The following PRKCA variants were observed in gnomAD, a reference collection of about 807,000 sequenced individuals.
The protein encoded by PRKCA is protein kinase C alpha.
In PRKCA, 27 loss-of-function variants were observed where a neutral mutation model predicts 87.0. The ratio of observed to expected loss-of-function variants is 0.31; its 90% CI spans 0.23 to 0.43. The LOEUF (loss-of-function observed/expected upper bound fraction) is 0.43. Ranked by LOEUF, PRKCA falls within the 20% of genes least tolerant of loss-of-function variation. PRKCA has a pLI of 1.00. For missense variants in PRKCA, 518 were observed against 852.3 expected (o/e 0.61, Z 4.88); for synonymous variants, 329 against 311.1 (o/e 1.06, Z -0.61).
Position 66,804,880 on chromosome 17 carries a change from G to A in PRKCA, c.*843G>A. ...CATCCAGGGTGCCATCAGTAATCAT[G>A]CCACTACTCACCAGTGTTGTTCACC... On this transcript the variant is annotated 3_prime_UTR_variant, in exon 17 of 17. Coordinates refer to ENST00000413366, the MANE Select transcript of PRKCA (RefSeq NM_002737.3). 1 of 463,546 alleles carries A rather than the reference G, an allele frequency of 2.2e-6. No homozygotes were observed. The highest frequency in any genetic ancestry group is 2.8e-6 in the Non-Finnish European group (1 of 353,064). 28.7% of individuals were successfully genotyped at this position (463,546 alleles called of 1,614,324 possible). A position where few individuals can be genotyped will look rare whatever the true frequency, so the allele number is the denominator to read the frequency against.
At chr17:66,549,105 C>T (rs1968247194) in intron 3 of PRKCA, among the ~76,000 whole-genome samples, 1 of 151,622 alleles carries the variant, frequency 6.6e-6, no homozygotes, top group Admixed American at 6.6e-5. Context: ...CGTGCCGGGC[C>T]ACTTTCTGTA....
chr17:66,519,283 G>C (rs1415908767), intron 3 of PRKCA, among the ~76,000 whole-genome samples: 1 of 152,126 alleles, frequency 6.6e-6, no homozygotes, highest in Non-Finnish European at 1.5e-5. Context: ...ATGGAAATTG[G>C]CTCCTGGGAT....
chr17:66,556,492 A>C (rs1006216527), intron 3 of PRKCA, among the ~76,000 whole-genome samples: 1 of 152,126 alleles, frequency 6.6e-6, no homozygotes, highest in Non-Finnish European at 1.5e-5. Flanking sequence ...AGAACATTTG[A>C]AGACCTCAAA....
intron 3 of PRKCA, among the ~76,000 whole-genome samples, chr17:66,546,358 TAG>T (rs1282563417): frequency 6.6e-6 from 1 of 152,244 alleles, no homozygotes; most frequent in Non-Finnish European, 1.5e-5. Flanking sequence ...CAGATTAACA[TAG>T]AGTGTCTCAA....
intron 2 of PRKCA, chr17:66,364,160 G>A (rs1386979858): frequency 2.0e-5 from 3 of 152,276 alleles, no homozygotes; most frequent in Non-Finnish European, 4.4e-5. Flanking sequence ...CATCAATATG[G>A]TGACCTCCCA....
chr17:66,667,394 A>T (rs977196026), intron 5 of PRKCA, among the ~76,000 whole-genome samples: 1 of 152,210 alleles, frequency 6.6e-6, no homozygotes, highest in Non-Finnish European at 1.5e-5. Context: ...ATGTCTAGGG[A>T]TGCCTCAGGA....
rs1286107763 is a variant in PRKCA at position 66,710,723 on chromosome 17, G to C, written c.918+21676G>C. ...ATAGACCAGTCTCCCCTCCTCTTCAGATTAGGTTAGTTTAAAATTTTACCT... is the reference window on the plus strand; with the variant it reads ...ATAGACCAGTCTCCCCTCCTCTTCACATTAGGTTAGTTTAAAATTTTACCT... On this transcript the variant is annotated intron_variant, in intron 8 of 16. Coordinates refer to ENST00000413366, the MANE Select transcript of PRKCA (RefSeq NM_002737.3). 2.6e-5 allele frequency among the ~76,000 whole-genome samples: 4 copies of C among 152,104 alleles called. No individual in the cohort carries two copies. The South Asian group carries it at 8.3e-4, about 32-fold the overall frequency.
At chr17:66,625,645 T>C (rs964637122) in intron 3 of PRKCA, among the ~76,000 whole-genome samples, 1 of 152,232 alleles carries the variant, frequency 6.6e-6, no homozygotes, top group Non-Finnish European at 1.5e-5. Context: ...TCTCTGTCTA[T>C]TTGAGCTACT....
At chr17:66,659,616 A>T (rs549571707) in intron 5 of PRKCA, among the ~76,000 whole-genome samples, 20 of 152,300 alleles carry the variant, frequency 1.3e-4, no homozygotes, top group African/African-American at 4.8e-4. Flanking sequence ...GGTGGCACAC[A>T]TGCTGCACTT....
At chr17:66,705,767 C>T (rs1973177135) in intron 8 of PRKCA, among the ~76,000 whole-genome samples, 1 of 152,152 alleles carries the variant, frequency 6.6e-6, no homozygotes, top group South Asian at 2.1e-4. Context: ...TGTCCACTGG[C>T]ACTAGCATGA....
chr17:66,324,644 T>C (rs1230271784), intron 2 of PRKCA, among the ~76,000 whole-genome samples: 1 of 151,962 alleles, frequency 6.6e-6, no homozygotes, highest in Non-Finnish European at 1.5e-5. Context: ...TAAGTTAATA[T>C]ATAAAAAAAA....
At chr17:66,493,297 TTGTGTGTGTG>T (rs61513917) in intron 2 of PRKCA, among the ~76,000 whole-genome samples, 10 of 143,074 alleles carry the variant, frequency 7.0e-5, no homozygotes, top group South Asian at 2.3e-4. Flanking sequence ...GTAGGTATAT[TTGTGTGTGTG>T]TGTGTGTGTG....
At chr17:66,509,178 ATGTGTGTGTGTGTGTGTG>A (rs35472661) in intron 3 of PRKCA, among the ~76,000 whole-genome samples, 5 of 147,060 alleles carry the variant, frequency 3.4e-5, no homozygotes, top group Non-Finnish European at 6.0e-5. Context: ...GTGTGTGTGT[ATGTGTGTGTGTGTGTGTG>A]TGTGTGTGTG....
intron 14 of PRKCA, chr17:66,777,565 C>T: frequency 2.0e-6 from 2 of 984,878 alleles, no homozygotes; most frequent in Non-Finnish European, 2.4e-6. Context: ...AGTTAATTTC[C>T]CCCTCTTTAA....
At chr17:66,524,831 C>G (rs1398617572) in intron 3 of PRKCA, among the ~76,000 whole-genome samples, 1 of 152,174 alleles carries the variant, frequency 6.6e-6, no homozygotes, top group Non-Finnish European at 1.5e-5. Context: ...ACTTCCCCCA[C>G]CTCTTCCCTG....
intron 13 of PRKCA, among the ~76,000 whole-genome samples, chr17:66,743,186 G>A (rs1398881615): frequency 6.6e-6 from 1 of 152,158 alleles, no homozygotes; most frequent in Non-Finnish European, 1.5e-5. Context: ...AAAAGCCAGG[G>A]ATGGTGGTGC....
In PRKCA at chr17:66,774,214, G is replaced by GC. The variant is rs1568026025; in HGVS notation, c.1605+152dup. ...TGACCCAGGCGAAAGAGGGAGAAAC[G>GC]CCCCCTTCAAAGTGGATCACGTTCA... is the stretch of plus-strand genomic sequence containing the variant. On this transcript the variant is annotated intron_variant, in intron 14 of 16. Transcript: ENST00000413366. The GC allele has an allele frequency of 4.0e-6, 6 of 1,515,654 alleles. No individual in the cohort carries two copies. The African/African-American group carries it at 6.9e-5, about 17-fold the overall frequency. The allele number at this position is 1,515,654 out of a possible 1,614,324, so 93.9% of individuals were successfully genotyped here.
At chr17:66,492,350 A>C (rs1186310120) in intron 2 of PRKCA, among the ~76,000 whole-genome samples, 4 of 152,294 alleles carry the variant, frequency 2.6e-5, no homozygotes, top group Admixed American at 2.6e-4. Context: ...AGTTTTTTTG[A>C]GGTGTGCAAT....
intron 2 of PRKCA, among the ~76,000 whole-genome samples, chr17:66,397,501 G>A (rs59209431): frequency 0.12 from 18,182 of 151,848 alleles, 1,464 homozygotes; most frequent in East Asian, 0.28. Context: ...CTTTAAAAAC[G>A]TTTTCTGTTT....
Sources: gnomAD v4.1 joint callset for allele counts (sites outside exome capture counted in the v4.1 genomes callset) on GRCh38, gnomAD v4.1.1 for gene constraint, MANE v1.5 for transcripts, NCBI Gene and HGNC (gene_info 2026-07-23, HGNC 2026-07-21) for gene names.